Variants in FBXO10 observed in about 807,000 individuals in gnomAD.
FBXO10 encodes F-box protein 10, also known as F-box only protein 10.
In FBXO10, 39 loss-of-function variants were observed where a neutral mutation model predicts 80.7. The observed-to-expected ratio is 0.48, with a 90% CI of 0.37 to 0.63. The LOEUF is 0.63. Ranked by LOEUF, FBXO10 falls within the 30% of genes least tolerant of loss-of-function variation. The probability of loss-of-function intolerance (pLI) is 0.00; values close to 1 mark genes in which losing one functional copy is unlikely to be tolerated. For missense variants in FBXO10, 1,025 were observed against 1,269.0 expected (o/e 0.81, Z 2.92); for synonymous variants, 449 against 489.6 (o/e 0.92, Z 1.09).
chr9:37,575,866 GCTT>G (rs1016614144), intron 1 of FBXO10, among the ~76,000 whole-genome samples: 16 of 152,298 alleles, frequency 1.1e-4, no homozygotes, highest in South Asian at 8.3e-4. Flanking sequence ...CCAAGAGTCA[GCTT>G]CTTCTTCTTC....
intron 1 of FBXO10, among the ~76,000 whole-genome samples, chr9:37,572,047 G>A (rs1822773188): frequency 6.6e-6 from 1 of 151,934 alleles, no homozygotes; most frequent in African/African-American, 2.4e-5. Flanking sequence ...TTGAGCCTAG[G>A]AGGTTGAGGC....
intron 1 of FBXO10, among the ~76,000 whole-genome samples, chr9:37,573,955 C>A (rs1007129554): frequency 6.6e-6 from 1 of 152,194 alleles, no homozygotes; most frequent in Non-Finnish European, 1.5e-5. Flanking sequence ...AGAATAGGTT[C>A]ATTCATTAAG....
At chr9:37,568,663 G>A (rs1056172988) in intron 1 of FBXO10, among the ~76,000 whole-genome samples, 4 of 152,112 alleles carry the variant, frequency 2.6e-5, no homozygotes, top group East Asian at 1.9e-4. Flanking sequence ...AAGGATAAAC[G>A]GAGTTCATGT....
intron 1 of FBXO10, among the ~76,000 whole-genome samples, chr9:37,548,182 T>C (rs994075269): frequency 2.0e-5 from 3 of 151,942 alleles, no homozygotes; most frequent in African/African-American, 7.3e-5. Context: ...GTCATGAGTT[T>C]GAGACCAGCC....
intron 1 of FBXO10, among the ~76,000 whole-genome samples, chr9:37,551,729 C>T (rs765651720): frequency 1.2e-4 from 18 of 152,206 alleles, no homozygotes; most frequent in Admixed American, 7.2e-4. Flanking sequence ...CACTTGGCCA[C>T]ACCCTTGGTT....
intron 1 of FBXO10, among the ~76,000 whole-genome samples, chr9:37,564,055 C>G (rs1334541286): frequency 6.6e-6 from 1 of 152,264 alleles, no homozygotes; most frequent in Admixed American, 6.5e-5. Flanking sequence ...GGACCCTCTG[C>G]TCTGTGCAGC....
intron 1 of FBXO10, among the ~76,000 whole-genome samples, chr9:37,551,491 C>G (rs935459799): frequency 6.6e-6 from 1 of 152,226 alleles, no homozygotes; most frequent in African/African-American, 2.4e-5. Flanking sequence ...GTTAGCCCCA[C>G]GGGGATAGCA....
chr9:37,519,412 C>T (rs1171814321), intron 8 of FBXO10, among the ~76,000 whole-genome samples: 2 of 152,088 alleles, frequency 1.3e-5, no homozygotes, highest in Non-Finnish European at 2.9e-5. Flanking sequence ...GAAAAGAAAG[C>T]AGGGCAGCCA....
chr9:37,529,323 A>G (rs1821558015), intron 4 of FBXO10, 63 bp from the exon 5 acceptor site: 1 of 1,551,800 alleles, frequency 6.4e-7, no homozygotes, highest in Non-Finnish European at 8.7e-7. Context: ...CAGAGTGCCC[A>G]GGTGCCGCCC....
intron 8 of FBXO10, among the ~76,000 whole-genome samples, chr9:37,518,754 T>C (rs997802055): frequency 1.8e-4 from 28 of 152,220 alleles, no homozygotes; most frequent in Non-Finnish European, 3.2e-4. Flanking sequence ...ACCACCGCCA[T>C]CCTACTGCCG....
chr9:37,528,179 G>A (rs1821520377), intron 5 of FBXO10, among the ~76,000 whole-genome samples: 1 of 152,124 alleles, frequency 6.6e-6, no homozygotes, highest in African/African-American at 2.4e-5. Flanking sequence ...GACAGAATAG[G>A]CTCCCCCGCC....
At chr9:37,554,534 A>G (rs1822288625) in intron 1 of FBXO10, among the ~76,000 whole-genome samples, 1 of 152,140 alleles carries the variant, frequency 6.6e-6, no homozygotes, top group South Asian at 2.1e-4. Context: ...ATACTCCAGA[A>G]AGTTCTCTCA....
chr9:37,568,707 GGAGTTCATGTGGTCTAAGGTCA>G (rs879410154), intron 1 of FBXO10, among the ~76,000 whole-genome samples: 90 of 152,112 alleles, frequency 5.9e-4, no homozygotes, highest in Non-Finnish European at 9.4e-4. Context: ...GTCTAAGGTC[GGAGTTCATGTGGTCTAAGGTCA>G]GAGTTCATGT....
intron 1 of FBXO10, 103 bp from the exon 2 acceptor site, chr9:37,541,877 G>T: frequency 1.0e-6 from 1 of 957,958 alleles, no homozygotes; most frequent in Non-Finnish European, 1.5e-6. Context: ...TGCCCAGGCT[G>T]GAGTGCAGTG....
chr9:37,568,171 A>C (rs1213690277), intron 1 of FBXO10, among the ~76,000 whole-genome samples: 1 of 152,116 alleles, frequency 6.6e-6, no homozygotes, highest in Non-Finnish European at 1.5e-5. Flanking sequence ...CAAGCAAACA[A>C]ATCCTGACAG....
chr9:37,534,398 G>A lies in FBXO10; in HGVS notation c.1420-2340C>T, dbSNP rs367958915. 4.6e-5 allele frequency among the ~76,000 whole-genome samples: 7 copies of A among 152,114 alleles called. No homozygotes were observed. In the South Asian group the frequency reaches 8.3e-4, roughly 18 times the overall value. On this transcript the variant is annotated intron_variant, in intron 3 of 10. Coordinates refer to ENST00000432825, the MANE Select transcript of FBXO10 (RefSeq NM_012166.3). ...CAAAAAGACAGGTGCCTTTCGGAGCGTGCAGTGAGCCCAGATCGTGCCACT... is the reference window on the plus strand; with the variant it reads ...CAAAAAGACAGGTGCCTTTCGGAGCATGCAGTGAGCCCAGATCGTGCCACT...
intron 10 of FBXO10, among the ~76,000 whole-genome samples, chr9:37,514,702 T>A (rs918826848): frequency 6.6e-6 from 1 of 151,764 alleles, no homozygotes; most frequent in Non-Finnish European, 1.5e-5. Flanking sequence ...GGAGTGGTGG[T>A]GGGCGCCTGT....
chr9:37,534,054 G>A (rs1004978656), intron 3 of FBXO10, among the ~76,000 whole-genome samples: 90 of 152,222 alleles, frequency 5.9e-4, no homozygotes, highest in African/African-American at 2.1e-3. Flanking sequence ...TTGAGCATCT[G>A]TGGATTTTAG....
intron 1 of FBXO10, among the ~76,000 whole-genome samples, chr9:37,565,867 G>T (rs932905738): frequency 2.0e-5 from 3 of 152,168 alleles, no homozygotes; most frequent in Non-Finnish European, 4.4e-5. Flanking sequence ...AAGAAAGGGG[G>T]CTATAGCAGA....
Sources: allele counts gnomAD v4.1 joint callset (sites outside exome capture counted in the v4.1 genomes callset), GRCh38; gene constraint gnomAD v4.1.1; transcripts MANE v1.5; gene names NCBI Gene and HGNC (gene_info 2026-07-23, HGNC 2026-07-21).